The following KIAA1328 variants were observed in gnomAD, a reference collection of about 807,000 sequenced individuals.
The protein encoded by KIAA1328 is KIAA1328.
Under a neutral mutation model 68.1 loss-of-function variants are expected in KIAA1328, and 52 were observed. The observed-to-expected ratio is 0.76, with a 90% CI of 0.61 to 0.96. The LOEUF (loss-of-function observed/expected upper bound fraction) is 0.96, where lower values mean the gene tolerates loss of function less well. Ranked by LOEUF, KIAA1328 falls within the 40% of genes least tolerant of loss-of-function variation. The probability of loss-of-function intolerance (pLI) is 0.00; values close to 1 mark genes in which losing one functional copy is unlikely to be tolerated. For synonymous variants in KIAA1328, 232 were observed against 239.4 expected (o/e 0.97, Z 0.28); for missense variants, 641 against 677.6 (o/e 0.95, Z 0.60).
At chr18:37,022,142 G>T (rs2054373066) in intron 6 of KIAA1328, among the ~76,000 whole-genome samples, 1 of 152,136 alleles carries the variant, frequency 6.6e-6, no homozygotes, top group Admixed American at 6.5e-5. Context: ...CTTAGCATGT[G>T]CCTCATTGAA....
At chr18:37,173,510 G>A (rs928491056) in intron 9 of KIAA1328, among the ~76,000 whole-genome samples, 8 of 152,182 alleles carry the variant, frequency 5.3e-5, no homozygotes, top group African/African-American at 1.4e-4. Context: ...TTAAGCATTT[G>A]ATCAGCCTTT....
At chr18:36,978,665 G>A (rs994634780) in intron 6 of KIAA1328, among the ~76,000 whole-genome samples, 1 of 152,104 alleles carries the variant, frequency 6.6e-6, no homozygotes. Context: ...TATACTGTAT[G>A]CCTATTCCTT....
intron 5 of KIAA1328, among the ~76,000 whole-genome samples, chr18:36,940,511 G>A (rs976947911): frequency 3.9e-5 from 6 of 152,136 alleles, no homozygotes; most frequent in African/African-American, 1.4e-4. Context: ...TGCTGTAGTT[G>A]TGAAGCATTT....
chr18:37,127,042 A>G (rs929781415), intron 7 of KIAA1328, among the ~76,000 whole-genome samples: 7 of 152,190 alleles, frequency 4.6e-5, no homozygotes, highest in East Asian at 1.9e-4. Context: ...TGTTCACTCT[A>G]TTGACTTCTA....
At chr18:37,031,579 T>C (rs1364875690) in intron 6 of KIAA1328, among the ~76,000 whole-genome samples, 1 of 152,226 alleles carries the variant, frequency 6.6e-6, no homozygotes, top group African/African-American at 2.4e-5. Flanking sequence ...AGGGCTTTCA[T>C]AGATAGTGCA....
intron 6 of KIAA1328, among the ~76,000 whole-genome samples, chr18:37,028,258 T>G (rs1237067120): frequency 6.6e-6 from 1 of 152,162 alleles, no homozygotes; most frequent in Non-Finnish European, 1.5e-5. Context: ...CCTTCCTGAT[T>G]AGCTGTATTC....
At chr18:37,161,892 T>C (rs1021899125) in intron 8 of KIAA1328, among the ~76,000 whole-genome samples, 1 of 152,358 alleles carries the variant, frequency 6.6e-6, no homozygotes, top group East Asian at 1.9e-4. Flanking sequence ...GAAAAGGCAC[T>C]TTGAGAAAGA....
At chr18:37,161,394 C>G (rs983239311) in intron 8 of KIAA1328, among the ~76,000 whole-genome samples, 11 of 152,110 alleles carry the variant, frequency 7.2e-5, no homozygotes, top group African/African-American at 2.7e-4. Flanking sequence ...TAATCCTCTT[C>G]CACATAATTG....
chr18:36,915,554 A>G (rs547216255), intron 5 of KIAA1328, among the ~76,000 whole-genome samples: 2 of 152,334 alleles, frequency 1.3e-5, no homozygotes, highest in East Asian at 1.9e-4. Context: ...TAGTACGGCA[A>G]TAAACACATG....
intron 7 of KIAA1328, among the ~76,000 whole-genome samples, chr18:37,119,276 T>G (rs2058205641): frequency 6.6e-6 from 1 of 152,092 alleles, no homozygotes; most frequent in African/African-American, 2.4e-5. Flanking sequence ...AGATAAAGCT[T>G]GAATGAATGC....
Position 37,218,595 on chromosome 18 carries a change from C to T in KIAA1328, c.1524-3422C>T, listed in dbSNP as rs180761278. On this transcript the variant is annotated intron_variant, in intron 9 of 9. Coordinates refer to ENST00000280020, the MANE Select transcript of KIAA1328 (RefSeq NM_020776.3). ...AGTCACTGATACCCTTTCTTCCACT[C>T]GATGGAATCAGCTTCTGAAGCTTAT... Among the ~76,000 whole-genome samples, 1,106 of 152,320 alleles carry T rather than the reference C, an allele frequency of 7.3e-3. 5 individuals carry two copies. The highest frequency in any genetic ancestry group is 0.011 in the Non-Finnish European group (732 of 68,036).
At chr18:36,872,831 G>T (rs188595283) in intron 4 of KIAA1328, among the ~76,000 whole-genome samples, 2 of 152,314 alleles carry the variant, frequency 1.3e-5, no homozygotes, top group East Asian at 3.9e-4. Context: ...ATCTGTATTA[G>T]TTATTTATGG....
chr18:37,043,135 A>G (rs1023489532), intron 6 of KIAA1328, among the ~76,000 whole-genome samples: 4 of 152,106 alleles, frequency 2.6e-5, no homozygotes, highest in African/African-American at 9.7e-5. Context: ...ATTTGTTGCC[A>G]TTGTTGTACT....
intron 5 of KIAA1328, among the ~76,000 whole-genome samples, chr18:36,956,549 G>T (rs974955300): frequency 6.6e-6 from 1 of 151,378 alleles, no homozygotes; most frequent in Non-Finnish European, 1.5e-5. Context: ...GAAGTGGGGG[G>T]GGGGTGCATT....
intron 3 of KIAA1328, among the ~76,000 whole-genome samples, chr18:36,840,137 C>T (rs377638054): frequency 6.6e-6 from 1 of 152,180 alleles, no homozygotes. Context: ...TCTGGATTTA[C>T]CTACCTTAGC....
At chr18:36,834,453 T>C (rs1418579094) in intron 2 of KIAA1328, 98 bp downstream of exon 2, 5 of 1,046,654 alleles carry the variant, frequency 4.8e-6, no homozygotes, top group Non-Finnish European at 6.6e-6. Context: ...TATAAATAAC[T>C]GAATGCAGAG....
intron 5 of KIAA1328, among the ~76,000 whole-genome samples, chr18:36,908,729 T>C (rs371779281): frequency 9.2e-5 from 14 of 152,256 alleles, no homozygotes; most frequent in East Asian, 1.9e-4. Flanking sequence ...TTATCTAGGA[T>C]TGCAGAGCAG....
intron 4 of KIAA1328, among the ~76,000 whole-genome samples, chr18:36,883,952 G>GTATATGTGTATATACATATATATATA (rs540895118): frequency 4.1e-5 from 5 of 120,800 alleles, no homozygotes; most frequent in Non-Finnish European, 7.0e-5. Flanking sequence ...TATTTATAAA[G>GTATATGTGTATATACATATATATATA]TATATATATA....
At chr18:36,918,288 G>T (rs893997850) in intron 5 of KIAA1328, among the ~76,000 whole-genome samples, 1 of 150,368 alleles carries the variant, frequency 6.7e-6, no homozygotes, top group Admixed American at 6.6e-5. Flanking sequence ...TTTCCTTCAT[G>T]TTTGTTTTTT....
Sources: allele counts gnomAD v4.1 joint callset (sites outside exome capture counted in the v4.1 genomes callset), GRCh38; gene constraint gnomAD v4.1.1; transcripts MANE v1.5; gene names NCBI Gene and HGNC (gene_info 2026-07-23, HGNC 2026-07-21).